Variants in CDH18 observed in about 807,000 individuals in gnomAD.
CDH18 encodes cadherin 18.
In CDH18, 31 loss-of-function variants were observed where a neutral mutation model predicts 67.9. The ratio of observed to expected loss-of-function variants is 0.46; its 90% CI spans 0.34 to 0.62. The LOEUF (loss-of-function observed/expected upper bound fraction) is 0.62, where lower values mean the gene tolerates loss of function less well. CDH18 is among the 20% of genes least tolerant of loss of function. CDH18 has a pLI of 0.01. For synonymous variants in CDH18, 362 were observed against 347.2 expected, an observed-to-expected ratio of 1.04 and a Z score of -0.48; for missense variants, 890 against 975.5, an observed-to-expected ratio of 0.91 and a Z score of 1.17.
chr5:19,985,894 C>T (rs1449913619), intron 1 of CDH18, among the ~76,000 whole-genome samples: 1 of 152,072 alleles, frequency 6.6e-6, no homozygotes, highest in Non-Finnish European at 1.5e-5. Flanking sequence ...TTTATCCTAG[C>T]TTGGTTGAAG....
chr5:19,890,063 T>A (rs1788624029), intron 2 of CDH18, among the ~76,000 whole-genome samples: 1 of 152,132 alleles, frequency 6.6e-6, no homozygotes, highest in Non-Finnish European at 1.5e-5. Context: ...CAAAACAAAT[T>A]AATTGGTTTA....
chr5:19,916,044 GTCTGGCACC>G (rs1415528909), intron 2 of CDH18, among the ~76,000 whole-genome samples: 3 of 152,030 alleles, frequency 2.0e-5, no homozygotes, highest in Non-Finnish European at 2.9e-5. Context: ...TTCCCTCTTT[GTCTGGCACC>G]TCACAGTAGC....
At chr5:19,964,907 G>C (rs1351350043) in intron 2 of CDH18, among the ~76,000 whole-genome samples, 1 of 152,040 alleles carries the variant, frequency 6.6e-6, no homozygotes, top group Non-Finnish European at 1.5e-5. Context: ...GACCATTAAA[G>C]ATATAAGGGC....
intron 4 of CDH18, among the ~76,000 whole-genome samples, chr5:19,743,287 T>C (rs1406031476): frequency 6.6e-6 from 1 of 152,234 alleles, no homozygotes; most frequent in Non-Finnish European, 1.5e-5. Context: ...CTAACTGCTA[T>C]AGATCAGCAG....
chr5:20,088,187 G>A (rs1295235933), intron 2 of CDH18, among the ~76,000 whole-genome samples: 1 of 152,168 alleles, frequency 6.6e-6, no homozygotes, highest in African/African-American at 2.4e-5. Flanking sequence ...AAAATACTGT[G>A]TGTTGAACTC....
intron 2 of CDH18, among the ~76,000 whole-genome samples, chr5:20,028,871 G>C (rs180965838): frequency 1.5e-4 from 23 of 152,226 alleles, no homozygotes; most frequent in African/African-American, 5.3e-4. Flanking sequence ...TGAAATTGTA[G>C]GTAAGGGGGC....
intron 2 of CDH18, among the ~76,000 whole-genome samples, chr5:19,980,000 AAAG>A (rs1377512470): frequency 6.6e-6 from 1 of 152,184 alleles, no homozygotes; most frequent in Non-Finnish European, 1.5e-5. Context: ...CGAAATTGGT[AAAG>A]AAGAAGTCAA....
intron 2 of CDH18, among the ~76,000 whole-genome samples, chr5:19,960,045 G>A (rs542508677): frequency 6.6e-6 from 1 of 152,102 alleles, no homozygotes; most frequent in African/African-American, 2.4e-5. Context: ...CAATGAGTGA[G>A]TGATGAGTAA....
chr5:20,285,824 A>G lies in CDH18; in HGVS notation c.-579-30319T>C, dbSNP rs1580668647. Among the ~76,000 whole-genome samples, 3 of 151,848 alleles carry G rather than the reference A, an allele frequency of 2.0e-5. No homozygotes were observed. In the South Asian group the frequency reaches 6.2e-4, roughly 31 times the overall value. The stretch of plus-strand genomic sequence containing the variant: ...CAATAAATATGCATGTTGAATTGCC[A>G]TGTATCAGATATAATATTTGCTATT... On this transcript the variant is annotated intron_variant, in intron 1 of 14. Transcript: ENST00000507958.
At chr5:20,051,940 T>C (rs964072973) in intron 2 of CDH18, among the ~76,000 whole-genome samples, 1 of 152,022 alleles carries the variant, frequency 6.6e-6, no homozygotes, top group Non-Finnish European at 1.5e-5. Context: ...GATATTAGCA[T>C]TTGGGCCCCC....
chr5:19,855,443 G>C (rs1330205045), intron 2 of CDH18, among the ~76,000 whole-genome samples: 1 of 152,104 alleles, frequency 6.6e-6, no homozygotes, highest in East Asian at 1.9e-4. Context: ...ATCAGGGAGA[G>C]TGCATTGGAT....
At chr5:20,364,301 AT>A (rs1742336220) in intron 1 of CDH18, among the ~76,000 whole-genome samples, 2 of 152,010 alleles carry the variant, frequency 1.3e-5, no homozygotes, top group Non-Finnish European at 2.9e-5. Context: ...AATTAAAAAA[AT>A]AATTGAACCT....
At chr5:19,623,920 T>TA (rs895666938) in intron 5 of CDH18, among the ~76,000 whole-genome samples, 10 of 150,128 alleles carry the variant, frequency 6.7e-5, no homozygotes, top group Non-Finnish European at 1.2e-4. Flanking sequence ...TCCTAATTTA[T>TA]AAAAAATGAT....
chr5:20,131,342 AC>A (rs1485067468), intron 2 of CDH18, among the ~76,000 whole-genome samples: 2 of 152,056 alleles, frequency 1.3e-5, no homozygotes, highest in African/African-American at 4.8e-5. Flanking sequence ...CTGTAGCTTC[AC>A]CTTTCATTGC....
chr5:20,477,841 ACT>A (rs570894639), intron 1 of CDH18, among the ~76,000 whole-genome samples: 112 of 152,170 alleles, frequency 7.4e-4, no homozygotes, highest in Non-Finnish European at 2.8e-4. Flanking sequence ...CTCAGGAGAG[ACT>A]CTTTCTTTCT....
chr5:19,858,817 A>C (rs1784560578), intron 2 of CDH18, among the ~76,000 whole-genome samples: 1 of 151,928 alleles, frequency 6.6e-6, no homozygotes, highest in African/African-American at 2.4e-5. Context: ...ATGCAGAAAA[A>C]CTCATTTGTT....
intron 5 of CDH18, among the ~76,000 whole-genome samples, chr5:19,702,441 G>A (rs1412881186): frequency 6.6e-5 from 10 of 150,780 alleles, no homozygotes; most frequent in African/African-American, 1.9e-4. Context: ...GAGGCACCAC[G>A]CCCTGCTGCA....
intron 2 of CDH18, among the ~76,000 whole-genome samples, chr5:20,180,456 T>C (rs1394501718): frequency 6.6e-6 from 1 of 152,178 alleles, no homozygotes; most frequent in African/African-American, 2.4e-5. Context: ...TCGTAGGTTA[T>C]TGAAAGATTG....
chr5:20,336,771 C>CCAGG (rs1405205237), intron 1 of CDH18, among the ~76,000 whole-genome samples: 1 of 138,254 alleles, frequency 7.2e-6, no homozygotes, highest in Non-Finnish European at 1.6e-5. Context: ...TTTCCTTATG[C>CCAGG]CAGGATGTTG....
Sources: allele counts gnomAD v4.1 joint callset (sites outside exome capture counted in the v4.1 genomes callset), GRCh38; gene constraint gnomAD v4.1.1; transcripts MANE v1.5; gene names NCBI Gene and HGNC (gene_info 2026-07-23, HGNC 2026-07-21).